ABTB2: variants seen among roughly 807,000 people sequenced by gnomAD.
The protein encoded by ABTB2 is ankyrin repeat and BTB domain containing 2, also known as ankyrin repeat and BTB/POZ domain-containing protein 2.
A neutral mutation model predicts 104.1 loss-of-function variants in ABTB2; 56 were observed. That is an observed-to-expected ratio of 0.54 (90% confidence interval 0.43 to 0.67). The LOEUF (loss-of-function observed/expected upper bound fraction) is 0.67, where lower values mean the gene tolerates loss of function less well. Among genes scored for constraint, ABTB2 ranks in the 30% least tolerant of loss-of-function variants. ABTB2 has a pLI of 0.00. For missense variants in ABTB2, 1,279 were observed against 1,407.7 expected (o/e 0.91, Z 1.46); for synonymous variants, 606 against 608.2 (o/e 1.00, Z 0.05).
At chr11:34,180,249 A>T (rs921203460) in intron 3 of ABTB2, among the ~76,000 whole-genome samples, 8 of 152,160 alleles carry the variant, frequency 5.3e-5, no homozygotes, top group African/African-American at 1.9e-4. Flanking sequence ...TGCAACCACT[A>T]TGTCGAGTGT....
chr11:34,155,455 GGTTTCA>G (rs1045686539), intron 14 of ABTB2, among the ~76,000 whole-genome samples: 1 of 152,242 alleles, frequency 6.6e-6, no homozygotes, highest in Non-Finnish European at 1.5e-5. Flanking sequence ...GTTCTGCTGA[GGTTTCA>G]GTTACAAACT....
chr11:34,357,490 G>A lies in ABTB2; in HGVS notation c.94C>T (p.Leu32Phe), dbSNP rs1425798038. ...GAGDSCRSLS[L>F]SSSKSNSQAL... ...TGCGAGTTGGACTTGGAGGACGAGAGGCTGAGCGAGCGGCACGAGTCCCCG... is the reference window on the plus strand; with the variant it reads ...TGCGAGTTGGACTTGGAGGACGAGAAGCTGAGCGAGCGGCACGAGTCCCCG... Residue 32 changes from leucine (L) to phenylalanine (F), a missense_variant, in exon 1 of 17, where the codon CTC (leucine) becomes TTC (phenylalanine). Leu to Phe is a conservative substitution (Grantham distance 22). Transcript: ENST00000435224. 1.5e-5 allele frequency: 23 copies of A among 1,544,232 alleles called. No individual in the cohort carries two copies. The East Asian group carries it at 5.1e-4, about 34-fold the overall frequency.
chr11:34,151,125 C>T lies in ABTB2; in HGVS notation c.*1262G>A, dbSNP rs1009895530. On this transcript the variant is annotated 3_prime_UTR_variant, in exon 17 of 17. Coordinates refer to ENST00000435224, the MANE Select transcript of ABTB2 (RefSeq NM_145804.3). ...TTTCTTTGTACATCCAGCCAAGCAG[C>T]TAGTCAAAATATTTTCCAGAATTGC... 2 of 152,664 alleles carry T rather than the reference C, an allele frequency of 1.3e-5. No homozygotes were observed. The highest frequency in any genetic ancestry group is 2.4e-5 in the African/African-American group (1 of 41,470). The allele number at this position is 152,664 out of a possible 1,614,324, so 9.5% of individuals were successfully genotyped here. A position where few individuals can be genotyped will look rare whatever the true frequency, so the allele number is the denominator to read the frequency against.
At chr11:34,165,468 A>AG (rs2083721701) in intron 7 of ABTB2, 112 bp from the exon 8 acceptor site, 1 of 801,966 alleles carries the variant, frequency 1.2e-6, no homozygotes, top group South Asian at 1.8e-5. Flanking sequence ...CATGTGACCA[A>AG]GACACAGTTC....
chr11:34,314,049 C>T (rs911497), intron 1 of ABTB2, among the ~76,000 whole-genome samples: 7,876 of 152,186 alleles, frequency 0.052, 714 homozygotes, highest in African/African-American at 0.18. Context: ...ACCGAGGGGG[C>T]TGGAGGTCCC....
At chr11:34,286,350 T>C (rs1590242053) in intron 1 of ABTB2, among the ~76,000 whole-genome samples, 1 of 152,090 alleles carries the variant, frequency 6.6e-6, no homozygotes, top group East Asian at 1.9e-4. Flanking sequence ...TGGAGTTCAG[T>C]GGCACGATCT....
chr11:34,224,763 C>A (rs536183076), intron 1 of ABTB2, among the ~76,000 whole-genome samples: 230 of 152,314 alleles, frequency 1.5e-3, no homozygotes, highest in African/African-American at 5.1e-3. Flanking sequence ...ACTGGGCATA[C>A]AAAAGACAGA....
intron 1 of ABTB2, among the ~76,000 whole-genome samples, chr11:34,258,302 C>G (rs1198503665): frequency 6.6e-6 from 1 of 152,216 alleles, no homozygotes; most frequent in Non-Finnish European, 1.5e-5. Context: ...TTACAAATAT[C>G]TATCCCACTT....
At chr11:34,172,418 A>ATATATATATATATATATG (rs55819950) in intron 4 of ABTB2, among the ~76,000 whole-genome samples, 8 of 84,208 alleles carry the variant, frequency 9.5e-5, no homozygotes, top group Middle Eastern at 7.7e-3. Context: ...ATATATATAT[A>ATATATATATATATATATG]TGTGTGTGTG....
intron 1 of ABTB2, among the ~76,000 whole-genome samples, chr11:34,342,782 C>T (rs919386709): frequency 6.6e-6 from 1 of 152,080 alleles, no homozygotes; most frequent in African/African-American, 2.4e-5. Flanking sequence ...GCCTGGACCA[C>T]CACTTATTAC....
intron 3 of ABTB2, among the ~76,000 whole-genome samples, chr11:34,180,113 T>C (rs1400003548): frequency 6.6e-6 from 1 of 152,234 alleles, no homozygotes; most frequent in African/African-American, 2.4e-5. Flanking sequence ...GCTCCAGCTT[T>C]CTGAAAGTCC....
chr11:34,176,030 C>T (rs1426926304), intron 3 of ABTB2, among the ~76,000 whole-genome samples: 1 of 152,162 alleles, frequency 6.6e-6, no homozygotes, highest in East Asian at 1.9e-4. Context: ...GCCTGTAATC[C>T]CAGCACTTTG....
intron 1 of ABTB2, among the ~76,000 whole-genome samples, chr11:34,354,029 C>G (rs938936879): frequency 6.6e-6 from 1 of 152,202 alleles, no homozygotes; most frequent in Non-Finnish European, 1.5e-5. Flanking sequence ...TGCCCCTCTA[C>G]TAAACATTCA....
At chr11:34,287,972 C>T (rs1998276) in intron 1 of ABTB2, among the ~76,000 whole-genome samples, 107,731 of 152,040 alleles carry the variant, frequency 0.71, 38,285 homozygotes, top group South Asian at 0.84. Context: ...TGATCAAGAC[C>T]GAATGAATAA....
chr11:34,357,619 G>A lies in ABTB2; in HGVS notation c.-36C>T, dbSNP rs1025427403. On this transcript the variant is annotated 5_prime_UTR_variant, in exon 1 of 17. Transcript: ENST00000435224. Reference sequence around the variant, plus strand: ...CCGAGGGCGGCGTCGCCGAGCGAGGGGCACTCACAACTCCATGCCCTCTTT... The same window carrying A: ...CCGAGGGCGGCGTCGCCGAGCGAGGAGCACTCACAACTCCATGCCCTCTTT... 4.1e-6 allele frequency: 6 copies of A among 1,481,116 alleles called. No individual in the cohort carries two copies. Among genetic ancestry groups the A allele is most frequent in the Non-Finnish European group, 5.4e-6 (6 of 1,114,596 alleles). 91.7% of individuals were successfully genotyped at this position (1,481,116 alleles called of 1,614,324 possible). A position where few individuals can be genotyped will look rare whatever the true frequency, so the allele number is the denominator to read the frequency against.
intron 1 of ABTB2, among the ~76,000 whole-genome samples, chr11:34,270,132 A>G (rs982328566): frequency 1.1e-4 from 16 of 152,220 alleles, no homozygotes; most frequent in South Asian, 2.1e-4. Flanking sequence ...AGTTCCCCCA[A>G]TGGCTCTTTC....
intron 1 of ABTB2, among the ~76,000 whole-genome samples, chr11:34,273,534 C>T (rs933247281): frequency 6.6e-6 from 1 of 152,148 alleles, no homozygotes; most frequent in African/African-American, 2.4e-5. Context: ...ATTCTGTCTT[C>T]TGCTTAAAGA....
chr11:34,299,592 T>C (rs1854674227), intron 1 of ABTB2, among the ~76,000 whole-genome samples: 2 of 152,226 alleles, frequency 1.3e-5, no homozygotes, highest in African/African-American at 4.8e-5. Flanking sequence ...CCACTCCTGA[T>C]GGGACATTTT....
intron 14 of ABTB2, among the ~76,000 whole-genome samples, chr11:34,155,379 C>G (rs1298334122): frequency 6.6e-6 from 1 of 152,232 alleles, no homozygotes; most frequent in East Asian, 1.9e-4. Flanking sequence ...GCCCGGAGCT[C>G]CCCTCGACAG....
Sources: gnomAD v4.1 joint callset for allele counts (sites outside exome capture counted in the v4.1 genomes callset) on GRCh38, gnomAD v4.1.1 for gene constraint, MANE v1.5 for transcripts, NCBI Gene and HGNC (gene_info 2026-07-23, HGNC 2026-07-21) for gene names.